TPPP: variants seen among roughly 807,000 people sequenced by gnomAD.
TPPP encodes tubulin polymerization-promoting protein.
Under a neutral mutation model 15.5 loss-of-function variants are expected in TPPP, and 6 were observed. The observed-to-expected ratio is 0.39, with a 90% CI of 0.21 to 0.77. The LOEUF (loss-of-function observed/expected upper bound fraction) is 0.77. TPPP is among the 30% of genes least tolerant of loss of function. The pLI, the probability that TPPP is intolerant of heterozygous loss-of-function variation, is 0.42. For synonymous variants in TPPP, 146 were observed against 133.9 expected, an observed-to-expected ratio of 1.09 and a Z score of -0.63; for missense variants, 269 against 307.2, an observed-to-expected ratio of 0.88 and a Z score of 0.93.
chr5:686,145 C>T (rs994425881), intron 1 of TPPP, among the ~76,000 whole-genome samples: 4 of 152,196 alleles, frequency 2.6e-5, no homozygotes, highest in African/African-American at 4.8e-5. Context: ...CTCTAAAGCA[C>T]GACACAGGAC....
Position 677,959 on chromosome 5 carries a change from T to C in TPPP, c.102A>G (p.Glu34=), listed in dbSNP as rs370958127. ...CTGCCCCCTCACCAGCACCCTCCGA[T>C]TCCAGCGACAGCCTCTTGGCTGCCC... ...KDRAAKRLSL[E]SEGAGEGAAA... is the part of the protein sequence containing the mutation. Residue 34 remains glutamate, a synonymous_variant, in exon 2 of 4, where the codon GAA becomes GAG. Coordinates refer to ENST00000360578, the MANE Select transcript of TPPP (RefSeq NM_007030.3). 171 of 1,611,320 alleles carry C rather than the reference T, an allele frequency of 1.1e-4. 1 individual carries two copies. In the East Asian group the frequency reaches 3.6e-3, roughly 34 times the overall value.
At position 666,162 on chromosome 5, in the gene TPPP, G is replaced by A. The variant is rs545187541; in HGVS notation, c.312-39C>T. 3.2e-5 allele frequency: 51 copies of A among 1,596,874 alleles called. No homozygotes were observed. The East Asian group carries it at 7.0e-4, about 22-fold the overall frequency. On this transcript the variant is annotated intron_variant, in intron 2 of 3. Transcript: ENST00000360578. ...GGCGACTTAGGGCTGGGCGCGGGCC[G>A]GCCCAGGGCTGCCCTCCCCACGCGT... is the stretch of plus-strand genomic sequence containing the variant.
upstream of TPPP, among the ~76,000 whole-genome samples, chr5:693,645 G>A (rs1327803680): frequency 6.5e-4 from 98 of 151,678 alleles, no homozygotes; most frequent in Non-Finnish European, 7.1e-4. Flanking sequence ...GGGGGCGGCG[G>A]GGCCCCTCAC....
At position 687,325 on chromosome 5, in the gene TPPP, C is replaced by G. The variant is rs1217034534; in HGVS notation, c.-5+5953G>C. On this transcript the variant is annotated intron_variant, in intron 1 of 3. Transcript: ENST00000360578. ...CGGGTGGGACCAGAGGCTCAGCACC[C>G]CTCATGGGGAACAAAGTCTTTGAGG... 5.3e-5 allele frequency among the ~76,000 whole-genome samples: 7 copies of G among 132,988 alleles called. No homozygotes were observed. In the South Asian group the frequency reaches 1.6e-3, roughly 29 times the overall value. 87.2% of individuals were successfully genotyped at this position (132,988 alleles called of 152,430 possible). A position where few individuals can be genotyped will look rare whatever the true frequency, so the allele number is the denominator to read the frequency against.
At chr5:685,982 GCCA>G (rs769165338) in intron 1 of TPPP, among the ~76,000 whole-genome samples, 3 of 152,172 alleles carry the variant, frequency 2.0e-5, no homozygotes, top group Admixed American at 6.5e-5. Context: ...CCACCGAATG[GCCA>G]CCATGGGATG....
upstream of TPPP, among the ~76,000 whole-genome samples, chr5:694,200 G>A (rs1740976085): frequency 6.6e-6 from 1 of 151,652 alleles, no homozygotes; most frequent in Non-Finnish European, 1.5e-5. Flanking sequence ...TTCCGCCCGG[G>A]GCTGCCCGGC....
chr5:675,124 G>T (rs1487512794), intron 2 of TPPP, among the ~76,000 whole-genome samples: 3 of 144,478 alleles, frequency 2.1e-5, no homozygotes, highest in Non-Finnish European at 3.1e-5. Context: ...GGGGGGTACA[G>T]TGTGGCCAGG....
At chr5:693,891 A>G (rs1740967520), upstream of TPPP, among the ~76,000 whole-genome samples, 1 of 149,100 alleles carries the variant, frequency 6.7e-6, no homozygotes, top group South Asian at 2.2e-4. Context: ...CTCGGACCCC[A>G]AGGCGGGGCG....
chr5:684,074 G>T lies in TPPP; in HGVS notation c.-4-6010C>A, dbSNP rs190017231. Among the ~76,000 whole-genome samples the T allele has an allele frequency of 2.2e-3, 339 of 152,314 alleles. 9 individuals are homozygous for T. The highest frequency in any genetic ancestry group is 0.018 in the Admixed American group (283 of 15,300). ...ACCCCAGGGCCAGACCCCACTGCCG[G>T]AACAGGACCCTCTCGTGCCTGCAGA... On this transcript the variant is annotated intron_variant, in intron 1 of 3. Transcript: ENST00000360578.
chr5:693,769 GT>G (rs1355552783), upstream of TPPP, among the ~76,000 whole-genome samples: 1 of 150,052 alleles, frequency 6.7e-6, no homozygotes, highest in African/African-American at 2.4e-5. Flanking sequence ...CTGGGGTGGG[GT>G]GGGTTGGCGG....
intron 1 of TPPP, among the ~76,000 whole-genome samples, chr5:688,900 G>A (rs1292852927): frequency 1.7e-5 from 2 of 120,742 alleles, no homozygotes; most frequent in Non-Finnish European, 3.9e-5. Flanking sequence ...ATGGGTGGGA[G>A]ATGCAGGTGG....
chr5:665,604 C>T (rs1311705308), intron 3 of TPPP, among the ~76,000 whole-genome samples: 18 of 148,714 alleles, frequency 1.2e-4, no homozygotes, highest in Non-Finnish European at 1.1e-4. Flanking sequence ...ACCCTCCAGG[C>T]TATGCCCCCC....
In TPPP at chr5:678,097, C is replaced by T. The variant is rs199515864; in HGVS notation, c.-4-33G>A. 2,564 of 1,465,260 alleles carry T rather than the reference C, an allele frequency of 1.7e-3. 5 individuals carry two copies. The highest frequency in any genetic ancestry group is 9.3e-3 in the African/African-American group (650 of 69,692). 90.8% of individuals were successfully genotyped at this position (1,465,260 alleles called of 1,614,324 possible). On this transcript the variant is annotated intron_variant, in intron 1 of 3. Transcript: ENST00000360578. The stretch of plus-strand genomic sequence containing the variant: ...GGAAGGAGAGGAGAAAGGTGTCACC[C>T]GGGCCATGTCCCAGCTGAGCCGGGT...
rs1739532324 is a variant in TPPP, at chr5:660,256, CTT to C, written c.*4844_*4845del. On this transcript the variant is annotated 3_prime_UTR_variant, in exon 4 of 4. Transcript: ENST00000360578. ...ATTTGTTTCCCTTTCTTGAAAAAAACTTAGTACAAACTAGTAGTTACACGATC... is the reference window on the plus strand; with the variant it reads ...ATTTGTTTCCCTTTCTTGAAAAAAACAGTACAAACTAGTAGTTACACGATC... The C allele has an allele frequency of 6.6e-6, 1 of 150,722 alleles. No individual in the cohort carries two copies. Among genetic ancestry groups the C allele is most frequent in the Non-Finnish European group, 1.5e-5 (1 of 67,710 alleles). The allele number at this position is 150,722 out of a possible 1,614,324, so 9.3% of individuals were successfully genotyped here. A position where few individuals can be genotyped will look rare whatever the true frequency, so the allele number is the denominator to read the frequency against.
chr5:666,661 T>C (rs1709541), intron 2 of TPPP, among the ~76,000 whole-genome samples: 56,850 of 151,840 alleles, frequency 0.37, 11,327 homozygotes, highest in East Asian at 0.65. Context: ...CTTGCACTGC[T>C]CTGGCCTCAG....
At chr5:684,615 C>T (rs1211146571) in intron 1 of TPPP, among the ~76,000 whole-genome samples, 1 of 152,052 alleles carries the variant, frequency 6.6e-6, no homozygotes, top group Admixed American at 6.5e-5. Context: ...GCCCTCCTGC[C>T]GAGGAGGTGC....
chr5:683,302 T>A (rs1423957203), intron 1 of TPPP, among the ~76,000 whole-genome samples: 2 of 146,152 alleles, frequency 1.4e-5, no homozygotes, highest in African/African-American at 5.1e-5. Context: ...GACACTCTGA[T>A]GGCAGCCGAC....
At chr5:699,531 G>A in the TPPP span, among the ~76,000 whole-genome samples, 4 of 152,046 alleles carry the variant, frequency 2.6e-5, no homozygotes, top group Non-Finnish European at 4.4e-5. Context: ...AGAAAACTTA[G>A]GAAAAATTCT....
At chr5:673,168 C>T (rs1022657686) in intron 2 of TPPP, among the ~76,000 whole-genome samples, 1 of 150,054 alleles carries the variant, frequency 6.7e-6, no homozygotes, top group East Asian at 1.9e-4. Flanking sequence ...GCAACTCCCA[C>T]AGGCCCGCCG....
Sources: gnomAD v4.1 joint callset for allele counts (sites outside exome capture counted in the v4.1 genomes callset) on GRCh38, gnomAD v4.1.1 for gene constraint, MANE v1.5 for transcripts, NCBI Gene and HGNC (gene_info 2026-07-23, HGNC 2026-07-21) for gene names.